Variants in ABCC1 observed in about 807,000 individuals in gnomAD.
The protein encoded by ABCC1 is ATP binding cassette subfamily C member 1 (ABCC1 blood group).
ABCC1 carries 83 observed loss-of-function variants against 172.9 expected under a neutral mutation model. That is an observed-to-expected ratio of 0.48 (90% CI 0.40 to 0.58). The LOEUF (loss-of-function observed/expected upper bound fraction) is 0.58, where lower values mean the gene tolerates loss of function less well. Among genes scored for constraint, ABCC1 ranks in the 20% least tolerant of loss-of-function variants. ABCC1 has a pLI of 0.00. For missense variants in ABCC1, 1,817 were observed against 2,002.7 expected (o/e 0.91, Z 1.77); for synonymous variants, 937 against 825.2 (o/e 1.14, Z -2.32).
intron 5 of ABCC1, among the ~76,000 whole-genome samples, chr16:16,018,805 G>GAA (rs1555483651): frequency 4.2e-5 from 5 of 118,822 alleles, no homozygotes; most frequent in Admixed American, 8.7e-5. Context: ...GTGTGTGTTT[G>GAA]TGTGTGTGTG....
chr16:16,070,623 C>T (rs576695828), intron 13 of ABCC1, among the ~76,000 whole-genome samples: 159 of 152,256 alleles, frequency 1.0e-3, no homozygotes, highest in Non-Finnish European at 1.7e-3. Context: ...CGAGATTGCG[C>T]CACTGCACTC....
intron 27 of ABCC1, among the ~76,000 whole-genome samples, chr16:16,132,506 GGTTGTTTTTTTT>G (rs2045731498): frequency 1.5e-4 from 15 of 100,970 alleles, no homozygotes; most frequent in Non-Finnish European, 1.9e-4. Flanking sequence ...TTTTTTGGTT[GGTTGTTTTTTTT>G]TTTTTTTTTT....
rs555070969 is a variant in ABCC1, at chr16:16,116,835, C to T, written c.3390+1759C>T. On this transcript the variant is annotated intron_variant, in intron 23 of 30. Transcript: ENST00000399410. ...TCAGCCTGCCAAAGTGCTGGGATTACAGGCATTGACCCACTGAGCCCAGCC... is the reference window on the plus strand; with the variant it reads ...TCAGCCTGCCAAAGTGCTGGGATTATAGGCATTGACCCACTGAGCCCAGCC... Among the ~76,000 whole-genome samples, 130 of 152,348 alleles carry T rather than the reference C, an allele frequency of 8.5e-4. 2 individuals carry two copies. The Middle Eastern group carries it at 0.017, about 20-fold the overall frequency.
chr16:16,021,551 TA>T (rs1300679443), intron 5 of ABCC1, among the ~76,000 whole-genome samples: 1 of 152,028 alleles, frequency 6.6e-6, no homozygotes, highest in Non-Finnish European at 1.5e-5. Context: ...ATCCCATCTC[TA>T]CTAAAAATAC....
chr16:16,121,137 CTG>C (rs781133925), intron 23 of ABCC1, among the ~76,000 whole-genome samples: 16 of 152,302 alleles, frequency 1.1e-4, no homozygotes, highest in African/African-American at 3.1e-4. Flanking sequence ...ACATGTAAGA[CTG>C]TAACTCTTAC....
rs142855834 is a variant in ABCC1, at chr16:16,042,652, A to G, written c.810-1798A>G. Among the ~76,000 whole-genome samples the G allele has an allele frequency of 5.4e-3, 822 of 151,812 alleles. 11 individuals carry two copies. Among genetic ancestry groups the G allele is most frequent in the African/African-American group, 0.019 (784 of 41,442 alleles). On this transcript the variant is annotated intron_variant, in intron 7 of 30. Transcript: ENST00000399410. ...CAGGAGGCGGAGGTTGCAGGGAGTC[A>G]GGATCGCACCATTGCACTCCAGCCT...
At chr16:16,116,556 C>A (rs78970369) in intron 23 of ABCC1, among the ~76,000 whole-genome samples, 9 of 151,700 alleles carry the variant, frequency 5.9e-5, no homozygotes, top group African/African-American at 2.2e-4. Flanking sequence ...ACATTAGAGG[C>A]GTTATTTTTA....
At chr16:16,014,773 T>C in intron 4 of ABCC1, 145 bp downstream of exon 4, 1 of 935,066 alleles carries the variant, frequency 1.1e-6, no homozygotes, top group Non-Finnish European at 1.6e-6. Context: ...CTTGGTGACT[T>C]TCCTACCCCA....
intron 1 of ABCC1, among the ~76,000 whole-genome samples, chr16:15,952,741 AAAAGC>A (rs1352981259): frequency 2.7e-5 from 3 of 112,694 alleles, no homozygotes; most frequent in African/African-American, 5.7e-5. Context: ...AAAAAAAAAA[AAAAGC>A]AGGCCGGGTG....
At chr16:15,996,112 G>C (rs1326636128) in intron 1 of ABCC1, among the ~76,000 whole-genome samples, 2 of 150,890 alleles carry the variant, frequency 1.3e-5, no homozygotes, top group Non-Finnish European at 2.9e-5. Flanking sequence ...AGTCTCCTGA[G>C]TAGCTGGGAC....
chr16:16,061,468 T>G (rs535168130), intron 12 of ABCC1, among the ~76,000 whole-genome samples: 1 of 152,286 alleles, frequency 6.6e-6, no homozygotes, highest in East Asian at 1.9e-4. Context: ...TTCTTCCCAG[T>G]GGTGACAATA....
intron 1 of ABCC1, among the ~76,000 whole-genome samples, chr16:15,953,540 A>T (rs1055821972): frequency 6.6e-6 from 1 of 152,182 alleles, no homozygotes; most frequent in Non-Finnish European, 1.5e-5. Flanking sequence ...CTTGAGGAAT[A>T]AGTGAGTTAA....
At chr16:16,017,456 A>G (rs1432066936) in intron 5 of ABCC1, among the ~76,000 whole-genome samples, 7 of 152,082 alleles carry the variant, frequency 4.6e-5, no homozygotes, top group Admixed American at 4.6e-4. Context: ...AGGATGTGCA[A>G]GTTCGTTACA....
At chr16:16,026,503 G>A (rs1219683568) in intron 5 of ABCC1, among the ~76,000 whole-genome samples, 1 of 144,838 alleles carries the variant, frequency 6.9e-6, no homozygotes, top group Non-Finnish European at 1.5e-5. Context: ...GTGAAGGGGG[G>A]ACCCTGTGTT....
chr16:16,037,343 C>T (rs1157772120), intron 7 of ABCC1, among the ~76,000 whole-genome samples: 1 of 152,158 alleles, frequency 6.6e-6, no homozygotes, highest in Non-Finnish European at 1.5e-5. Flanking sequence ...TTAGGCTCTA[C>T]CCCCTATGTA....
intron 7 of ABCC1, among the ~76,000 whole-genome samples, chr16:16,041,992 G>T (rs549008552): frequency 4.6e-5 from 7 of 151,986 alleles, no homozygotes; most frequent in African/African-American, 7.2e-5. Flanking sequence ...GCTACAGGGG[G>T]GCTGAAGCAT....
At chr16:16,094,523 C>CTT (rs11427239) in intron 19 of ABCC1, 18 of 153,432 alleles carry the variant, frequency 1.2e-4, no homozygotes, top group South Asian at 3.9e-4. Context: ...TTTTCTTTTT[C>CTT]TTTTTTTTGA....
At chr16:16,030,027 G>A (rs1165386748) in intron 5 of ABCC1, among the ~76,000 whole-genome samples, 1 of 151,990 alleles carries the variant, frequency 6.6e-6, no homozygotes, top group East Asian at 1.9e-4. Context: ...TTTGATCACT[G>A]ATCACTCTGT....
rs982372711 is a variant in ABCC1, at chr16:16,046,637, G to A, written c.1218+624G>A. On this transcript the variant is annotated intron_variant, in intron 9 of 30. Coordinates refer to ENST00000399410, the MANE Select transcript of ABCC1 (RefSeq NM_004996.4). ...TGGGATTACAGGCATGAGCCACCGCGCCCAGCCTGTTGTCACTCTTAATTT... is the reference window on the plus strand; with the variant it reads ...TGGGATTACAGGCATGAGCCACCGCACCCAGCCTGTTGTCACTCTTAATTT... Among the ~76,000 whole-genome samples the A allele has an allele frequency of 3.3e-5, 5 of 152,082 alleles. No homozygotes were observed. The South Asian group carries it at 6.2e-4, about 19-fold the overall frequency.
Sources: allele counts gnomAD v4.1 joint callset (sites outside exome capture counted in the v4.1 genomes callset), GRCh38; gene constraint gnomAD v4.1.1; transcripts MANE v1.5; gene names NCBI Gene and HGNC (gene_info 2026-07-23, HGNC 2026-07-21).